Variants in TENM3 observed in about 807,000 individuals in gnomAD.
TENM3 encodes teneurin transmembrane protein 3.
Under a neutral mutation model 255.1 loss-of-function variants are expected in TENM3, and 63 were observed. That is an observed-to-expected ratio of 0.25 (90% CI 0.20 to 0.30). The LOEUF (loss-of-function observed/expected upper bound fraction) is 0.30, where lower values mean the gene tolerates loss of function less well. TENM3 is among the 10% of genes least tolerant of loss of function. The pLI is 1.00. For missense variants in TENM3, 2,929 were observed against 3,461.1 expected (o/e 0.85, Z 3.86); for synonymous variants, 1,306 against 1,322.3 (o/e 0.99, Z 0.27).
the TENM3 span, among the ~76,000 whole-genome samples, chr4:181,805,108 T>C: frequency 1.3e-5 from 2 of 152,148 alleles, no homozygotes; most frequent in Non-Finnish European, 2.9e-5. Context: ...TCACACTTGC[T>C]CCACAGAGTT....
chr4:182,441,250 G>A (rs1772459763), intron 3 of TENM3, among the ~76,000 whole-genome samples: 1 of 152,096 alleles, frequency 6.6e-6, no homozygotes, highest in Admixed American at 6.5e-5. Flanking sequence ...AACTATCAAT[G>A]GTGCTAGGTG....
the TENM3 span, among the ~76,000 whole-genome samples, chr4:181,783,398 A>G: frequency 0.18 from 27,416 of 151,960 alleles, 2,555 homozygotes; most frequent in East Asian, 0.25. Context: ...TACTCTGCCA[A>G]TTCTGGTGAC....
intron 3 of TENM3, among the ~76,000 whole-genome samples, chr4:182,543,480 A>G (rs2151898069): frequency 6.6e-6 from 1 of 152,304 alleles, no homozygotes; most frequent in South Asian, 2.1e-4. Flanking sequence ...TTATGAGTGA[A>G]GTAATATAAT....
intron 3 of TENM3, among the ~76,000 whole-genome samples, chr4:182,510,416 C>G (rs978677621): frequency 6.6e-6 from 1 of 152,146 alleles, no homozygotes; most frequent in Admixed American, 6.5e-5. Context: ...ATGTCATGTC[C>G]CACTTGCCTA....
chr4:182,519,420 G>A (rs993338894), intron 3 of TENM3, among the ~76,000 whole-genome samples: 5 of 152,098 alleles, frequency 3.3e-5, no homozygotes, highest in Admixed American at 6.5e-5. Context: ...AATAAGCATT[G>A]TTAATATTTT....
intron 9 of TENM3, 39 bp downstream of exon 9, chr4:182,680,388 A>G (rs1437539379): frequency 6.6e-7 from 1 of 1,517,906 alleles, no homozygotes. Context: ...CGATATAAAT[A>G]AGCTGTAGAA....
At chr4:181,482,070 A>G in the TENM3 span, among the ~76,000 whole-genome samples, 71 of 152,260 alleles carry the variant, frequency 4.7e-4, 1 homozygote, top group East Asian at 0.014. Flanking sequence ...CTGCCTTCAC[A>G]TTATAGGAAA....
At chr4:181,546,729 AGAAG>A in the TENM3 span, among the ~76,000 whole-genome samples, 24 of 138,918 alleles carry the variant, frequency 1.7e-4, 3 homozygotes, top group Admixed American at 4.4e-4. Flanking sequence ...AAAAAAAAAA[AGAAG>A]AAGAAGAAGA....
the TENM3 span, among the ~76,000 whole-genome samples, chr4:181,719,310 C>T: frequency 9.9e-5 from 15 of 151,768 alleles, no homozygotes; most frequent in Non-Finnish European, 1.3e-4. Context: ...ATCTGCATGC[C>T]CAAACCAAAA....
intron 1 of TENM3, among the ~76,000 whole-genome samples, chr4:182,165,168 T>A (rs1195854132): frequency 2.0e-5 from 3 of 152,206 alleles, no homozygotes; most frequent in Non-Finnish European, 4.4e-5. Context: ...TCAGGCATCA[T>A]CTACTCCAGG....
rs11348241 is a variant in TENM3, at chr4:182,719,252, C to CTTTTTTTT, written c.2368+5039_2368+5046dup. Among the ~76,000 whole-genome samples the CTTTTTTTT allele has an allele frequency of 5.4e-4, 44 of 80,870 alleles. 2 individuals carry two copies. The highest frequency in any genetic ancestry group is 7.5e-4 in the Non-Finnish European group (35 of 46,478). 53.1% of individuals were successfully genotyped at this position (80,870 alleles called of 152,430 possible). A position where few individuals can be genotyped will look rare whatever the true frequency, so the allele number is the denominator to read the frequency against. On this transcript the variant is annotated intron_variant, in intron 13 of 27. Transcript: ENST00000511685. Reference sequence around the variant, plus strand: ...AGTAAAATAGAGTTCTTTTTTTTTTCTTTTTTTTTTTTTTTTTTTTTTTTT... The same window carrying CTTTTTTTT: ...AGTAAAATAGAGTTCTTTTTTTTTTCTTTTTTTTTTTTTTTTTTTTTTTTTTTTTTTTT...
At chr4:182,168,491 CTT>C (rs1157097250) in intron 1 of TENM3, among the ~76,000 whole-genome samples, 1 of 152,162 alleles carries the variant, frequency 6.6e-6, no homozygotes, top group African/African-American at 2.4e-5. Flanking sequence ...CAATTATTGA[CTT>C]ATTTCTTTTT....
chr4:182,784,036 G>T (rs1765401293), intron 24 of TENM3, among the ~76,000 whole-genome samples: 2 of 152,182 alleles, frequency 1.3e-5, no homozygotes, highest in Admixed American at 6.5e-5. Flanking sequence ...TTGATCGTCT[G>T]ACGCCTTCTA....
chr4:181,766,408 AC>A, the TENM3 span, among the ~76,000 whole-genome samples: 1 of 149,974 alleles, frequency 6.7e-6, no homozygotes, highest in African/African-American at 2.4e-5. Flanking sequence ...CGTTGGAAAC[AC>A]AAGCAGCAGT....
the TENM3 span, among the ~76,000 whole-genome samples, chr4:181,699,057 A>C: frequency 6.6e-6 from 1 of 152,152 alleles, no homozygotes; most frequent in African/African-American, 2.4e-5. Context: ...TTACAGTGTC[A>C]ATTTATGTGT....
At chr4:182,414,532 G>A (rs945190108) in intron 3 of TENM3, among the ~76,000 whole-genome samples, 12 of 152,190 alleles carry the variant, frequency 7.9e-5, no homozygotes, top group Admixed American at 5.9e-4. Flanking sequence ...CGAGGAAACC[G>A]AGCTTTATTT....
At position 182,469,713 on chromosome 4, in the gene TENM3, C is replaced by CAA. The variant is rs397964405; in HGVS notation, c.511+122799_511+122800dup. On this transcript the variant is annotated intron_variant, in intron 3 of 27. Transcript: ENST00000511685. ...TGGGCAACAGAGCGAGACTCTGTCT[C>CAA]AAAAAAAAAAAAAAAAGAGAACTGG... Among the ~76,000 whole-genome samples the CAA allele has an allele frequency of 2.2e-3, 234 of 104,974 alleles. 1 individual carries two copies. Among genetic ancestry groups the CAA allele is most frequent in the Admixed American group, 3.1e-3 (30 of 9,612 alleles). 68.9% of individuals were successfully genotyped at this position (104,974 alleles called of 152,430 possible).
At chr4:181,545,810 T>C in the TENM3 span, among the ~76,000 whole-genome samples, 2 of 152,326 alleles carry the variant, frequency 1.3e-5, no homozygotes, top group Middle Eastern at 3.4e-3. Flanking sequence ...CCTAGATCAT[T>C]TCTACTCGTA....
At chr4:182,032,280 A>C in the TENM3 span, among the ~76,000 whole-genome samples, 1 of 152,224 alleles carries the variant, frequency 6.6e-6, no homozygotes, top group African/African-American at 2.4e-5. Context: ...ATTTTATCAA[A>C]GGCTTTTTCT....
Sources: gnomAD v4.1 joint callset for allele counts (sites outside exome capture counted in the v4.1 genomes callset) on GRCh38, gnomAD v4.1.1 for gene constraint, MANE v1.5 for transcripts, NCBI Gene and HGNC (gene_info 2026-07-23, HGNC 2026-07-21) for gene names.